TENT4B: variants seen among roughly 807,000 people sequenced by gnomAD.
TENT4B encodes terminal nucleotidyltransferase 4B.
Under a neutral mutation model 75.0 loss-of-function variants are expected in TENT4B, and 10 were observed. The ratio of observed to expected loss-of-function variants is 0.13; its 90% CI spans 0.08 to 0.23. The LOEUF (loss-of-function observed/expected upper bound fraction) is 0.23, where lower values mean the gene tolerates loss of function less well. TENT4B is among the 10% of genes least tolerant of loss of function. The pLI is 1.00. For missense variants in TENT4B, 579 were observed against 893.8 expected (o/e 0.65, Z 4.49); for synonymous variants, 350 against 357.7 (o/e 0.98, Z 0.24).
In TENT4B at chr16:50,224,936, TAGA is replaced by T; in HGVS notation, c.1555_1557del (p.Arg519del). The T allele has an allele frequency of 6.2e-7, 1 of 1,613,918 alleles. No homozygotes were observed. The highest frequency in any genetic ancestry group is 8.5e-7 in the Non-Finnish European group (1 of 1,179,832). On this transcript the variant is annotated inframe_deletion, in exon 9 of 12. Coordinates refer to ENST00000561678, the MANE Select transcript of TENT4B (RefSeq NM_001365324.3). Reference sequence around the variant, plus strand: ...GAGTAACAGATGAAGTTGCCACATATAGAGATTGGATATCAAAGCAGTGGGGCT... The same window carrying T: ...GAGTAACAGATGAAGTTGCCACATATGATTGGATATCAAAGCAGTGGGGCT...
At position 50,196,487 on chromosome 16, in the gene TENT4B, T is replaced by TCA. The variant is rs1471891124; in HGVS notation, c.639-14836_639-14835insCA. On this transcript the variant is annotated intron_variant, in intron 1 of 11. Transcript: ENST00000561678. ...ACTTAGAGTAGCTTTTAGTTTATCA[T>TCA]TATCATCATCATCATCATCATCATC... Among the ~76,000 whole-genome samples, 50 of 88,844 alleles carry TCA rather than the reference T, an allele frequency of 5.6e-4. 1 individual carries two copies. The highest frequency in any genetic ancestry group is 3.8e-3 in the Admixed American group (28 of 7,360). The allele number at this position is 88,844 out of a possible 152,430, so 58.3% of individuals were successfully genotyped here. A position where few individuals can be genotyped will look rare whatever the true frequency, so the allele number is the denominator to read the frequency against.
rs145571431 is a variant in TENT4B, at chr16:50,191,142, A to G, written c.639-20181A>G. Among the ~76,000 whole-genome samples, 598 of 152,320 alleles carry G rather than the reference A, an allele frequency of 3.9e-3. 18 individuals are homozygous for G. Among genetic ancestry groups the G allele is most frequent in the African/African-American group, 0.014 (574 of 41,560 alleles). On this transcript the variant is annotated intron_variant, in intron 1 of 11. Transcript: ENST00000561678. ...CTGGACATTTGGGTTGCTTTTACCT[A>G]TCGGCTGTCTTGAATCATGTTGCTA...
At chr16:50,225,016 A>G (rs1434960312) in intron 9 of TENT4B, 22 bp downstream of exon 9, 19 of 1,611,084 alleles carry the variant, frequency 1.2e-5, no homozygotes, top group Non-Finnish European at 1.4e-5. Flanking sequence ...TCCTTGGTCG[A>G]TTGACTGAGT....
intron 1 of TENT4B, among the ~76,000 whole-genome samples, chr16:50,193,734 G>A (rs970156608): frequency 6.6e-6 from 1 of 152,170 alleles, no homozygotes; most frequent in Admixed American, 6.6e-5. Context: ...GGGAATGTAG[G>A]TAATGAGGAG....
intron 1 of TENT4B, among the ~76,000 whole-genome samples, chr16:50,194,705 G>T (rs1391777282): frequency 6.9e-6 from 1 of 145,606 alleles, no homozygotes; most frequent in Non-Finnish European, 1.5e-5. Flanking sequence ...TTCCCCCACA[G>T]TAGCTGGAAC....
At chr16:50,181,550 C>G (rs1317116995) in intron 1 of TENT4B, among the ~76,000 whole-genome samples, 1 of 151,102 alleles carries the variant, frequency 6.6e-6, no homozygotes, top group African/African-American at 2.4e-5. Context: ...AGCAACTCAC[C>G]TGCCTCGGCC....
intron 1 of TENT4B, among the ~76,000 whole-genome samples, chr16:50,189,655 GC>G (rs2038601442): frequency 1.3e-5 from 2 of 152,034 alleles, no homozygotes; most frequent in African/African-American, 2.4e-5. Context: ...ATGAAGTAGT[GC>G]CCTAATGCAA....
chr16:50,222,469 T>C lies in TENT4B; in HGVS notation c.1167+35T>C, dbSNP rs747864594. ...ATGGGTATAGCATGCTAGTGCACAC[T>C]AAAAGCAAAAGTGATCAATCAGCTG... On this transcript the variant is annotated intron_variant, in intron 6 of 11. Coordinates refer to ENST00000561678, the MANE Select transcript of TENT4B (RefSeq NM_001365324.3). The C allele has an allele frequency of 3.9e-5, 63 of 1,597,562 alleles. No homozygotes were observed. The East Asian group carries it at 1.4e-3, about 35-fold the overall frequency.
At position 50,153,817 on chromosome 16, in the gene TENT4B, A is replaced by C. The variant is rs1248814573; in HGVS notation, c.196A>C (p.Thr66Pro). The part of the protein sequence containing the change: ...STATGGSGSS[T>P]GSPGGAASAP... Reference sequence around the variant, plus strand: ...GGCCACCGGCGGGAGCGGCAGCAGCACCGGCAGCCCCGGCGGCGCGGCCTC... The same window carrying C: ...GGCCACCGGCGGGAGCGGCAGCAGCCCCGGCAGCCCCGGCGGCGCGGCCTC... The change falls in exon 1 of 12, where the codon ACC (threonine) becomes CCC (proline). Residue 66 changes from threonine (T) to proline (P), a missense_variant. By Grantham distance (38) the Thr-to-Pro change is conservative. Transcript: ENST00000561678. The C allele has an allele frequency of 9.8e-6, 12 of 1,228,212 alleles. No homozygotes were observed. Among genetic ancestry groups the C allele is most frequent in the Non-Finnish European group, 1.1e-5 (11 of 988,332 alleles). 76.1% of individuals were successfully genotyped at this position (1,228,212 alleles called of 1,614,324 possible).
At chr16:50,167,997 TC>T (rs1195152063) in intron 1 of TENT4B, among the ~76,000 whole-genome samples, 1 of 151,994 alleles carries the variant, frequency 6.6e-6, no homozygotes, top group African/African-American at 2.4e-5. Flanking sequence ...GAGGTAGAGG[TC>T]CCATTTCATT....
In TENT4B at chr16:50,211,321, A is replaced by T; in HGVS notation, c.639-2A>T. The T allele has an allele frequency of 6.2e-7, 1 of 1,604,380 alleles. No homozygotes were observed. Among genetic ancestry groups the T allele is most frequent in the South Asian group, 1.1e-5 (1 of 88,740 alleles). On this transcript the variant is annotated splice_acceptor_variant, in intron 1 of 11. Transcript: ENST00000561678. LOFTEE classifies it high-confidence loss of function. ...TATTAACTTTTCTGTTTTTTTCTTC[A>T]GTCTGCATGAAGAAATCAGTGATTT...
rs1017005114 is a variant in TENT4B, at chr16:50,206,339, A to T, written c.639-4984A>T. On this transcript the variant is annotated intron_variant, in intron 1 of 11. Transcript: ENST00000561678. ...TGGATATCATGAACCTTAAGAGATA[A>T]ATATATATGTATGTATTTTTTTTTT... Among the ~76,000 whole-genome samples the T allele has an allele frequency of 2.7e-4, 40 of 150,856 alleles. 1 individual carries two copies. The highest frequency in any genetic ancestry group is 4.4e-5 in the Non-Finnish European group (3 of 67,868).
At chr16:50,180,401 C>T (rs2038390553) in intron 1 of TENT4B, among the ~76,000 whole-genome samples, 3 of 152,166 alleles carry the variant, frequency 2.0e-5, no homozygotes, top group Admixed American at 6.5e-5. Flanking sequence ...CTGTGCCCAG[C>T]CTTCACATAT....
chr16:50,156,629 C>A (rs2037906234), intron 1 of TENT4B, among the ~76,000 whole-genome samples: 2 of 152,070 alleles, frequency 1.3e-5, no homozygotes, highest in Non-Finnish European at 2.9e-5. Context: ...CAGGCATGAG[C>A]CACCGTGCCC....
At position 50,227,392 on chromosome 16, in the gene TENT4B, C is replaced by T. The variant is rs181155782; in HGVS notation, c.1801-447C>T. Among the ~76,000 whole-genome samples the T allele has an allele frequency of 1.9e-3, 288 of 152,300 alleles. 2 individuals carry two copies. Among genetic ancestry groups the T allele is most frequent in the African/African-American group, 6.0e-3 (249 of 41,552 alleles). ...ATAGGTGGAGCTCAGCCCACTGTCGCGGGAAGTCCACCCCCACCCACACCA... is the reference window on the plus strand; with the variant it reads ...ATAGGTGGAGCTCAGCCCACTGTCGTGGGAAGTCCACCCCCACCCACACCA... On this transcript the variant is annotated intron_variant, in intron 10 of 11. Transcript: ENST00000561678.
At position 50,201,830 on chromosome 16, in the gene TENT4B, TA is replaced by T. The variant is rs57061694; in HGVS notation, c.639-9474del. ...CTGGGTGAAAGAGGGATACTCTATT[TA>T]AAAAAAAAAAAAAAAAAAGCGGGCT... On this transcript the variant is annotated intron_variant, in intron 1 of 11. Coordinates refer to ENST00000561678, the MANE Select transcript of TENT4B (RefSeq NM_001365324.3). 9.2e-3 allele frequency among the ~76,000 whole-genome samples: 1,254 copies of T among 136,660 alleles called. 12 individuals are homozygous for T. Among genetic ancestry groups the T allele is most frequent in the African/African-American group, 0.014 (508 of 35,836 alleles). The allele number at this position is 136,660 out of a possible 152,430, so 89.7% of individuals were successfully genotyped here. A position where few individuals can be genotyped will look rare whatever the true frequency, so the allele number is the denominator to read the frequency against.
chr16:50,217,775 T>TCTCTCTCTCTCTCTCTCTCTCTC, intron 5 of TENT4B, 112 bp downstream of exon 5: 1 of 632,958 alleles, frequency 1.6e-6, no homozygotes, highest in African/African-American at 1.9e-5. Context: ...TCTCTCTCTC[T>TCTCTCTCTCTCTCTCTCTCTCTC]TTTAAATAGA....
chr16:50,195,647 G>A (rs2030182795), intron 1 of TENT4B, among the ~76,000 whole-genome samples: 1 of 152,170 alleles, frequency 6.6e-6, no homozygotes, highest in South Asian at 2.1e-4. Flanking sequence ...TCAAGTTTTA[G>A]CATGTAAAGA....
At chr16:50,214,423 A>G (rs1596736110) in intron 3 of TENT4B, among the ~76,000 whole-genome samples, 156 bp downstream of exon 3, 1 of 152,164 alleles carries the variant, frequency 6.6e-6, no homozygotes, top group African/African-American at 2.4e-5. Flanking sequence ...CGGGAGGCCA[A>G]GGAGGGTGGA....
Sources: allele counts gnomAD v4.1 joint callset (sites outside exome capture counted in the v4.1 genomes callset), GRCh38; gene constraint gnomAD v4.1.1; transcripts MANE v1.5; gene names NCBI Gene and HGNC (gene_info 2026-07-23, HGNC 2026-07-21).